Variants in RAD23A observed in about 807,000 individuals in gnomAD.
The protein encoded by RAD23A is lysine-specific demethylase RAD23A.
A neutral mutation model predicts 44.8 loss-of-function variants in RAD23A; 16 were observed. The observed-to-expected ratio is 0.36, with a 90% CI of 0.24 to 0.54. The LOEUF (loss-of-function observed/expected upper bound fraction) is 0.54. RAD23A is among the 20% of genes least tolerant of loss of function. The probability of loss-of-function intolerance (pLI) is 0.89; values close to 1 mark genes in which losing one functional copy is unlikely to be tolerated. For synonymous variants in RAD23A, 217 were observed against 202.9 expected (o/e 1.07, Z -0.59); for missense variants, 380 against 483.3 (o/e 0.79, Z 2.00).
chr19:12,946,084 G>GGGGGGGGGGGGGGGGGGGGGGGGGGGC, intron 1 of RAD23A, 64 bp downstream of exon 1: 1 of 512,146 alleles, frequency 2.0e-6, no homozygotes, highest in Non-Finnish European at 3.7e-6. Flanking sequence ...TGGGGGCGGG[G>GGGGGGGGGGGGGGGGGGGGGGGGGGGC]AGGCTAGAAT....
chr19:12,946,084 G>T, intron 1 of RAD23A, 64 bp downstream of exon 1: 1 of 512,146 alleles, frequency 2.0e-6, no homozygotes, highest in Non-Finnish European at 3.7e-6. Context: ...TGGGGGCGGG[G>T]AGGCTAGAAT....
chr19:12,949,985 C>G (rs1018135103), intron 7 of RAD23A, among the ~76,000 whole-genome samples: 1 of 152,080 alleles, frequency 6.6e-6, no homozygotes, highest in African/African-American at 2.4e-5. Flanking sequence ...ACTTCTCAGT[C>G]CCTTGCCAGC....
chr19:12,952,896 CCTA>C (rs765890812), intron 8 of RAD23A, 37 bp from the exon 9 acceptor site: 1 of 1,610,172 alleles, frequency 6.2e-7, no homozygotes, highest in Non-Finnish European at 8.5e-7. Context: ...GGGCAGGACC[CCTA>C]CCCTCTCCTG....
Position 12,949,140 on chromosome 19 carries a change from G to C in RAD23A, c.660G>C (p.Glu220Asp). 6.2e-7 allele frequency: 1 copy of C among 1,614,000 alleles called. No homozygotes were observed. Among genetic ancestry groups the C allele is most frequent in the Non-Finnish European group, 8.5e-7 (1 of 1,179,930 alleles). ...HGSVQESQVS[E>D]QPATEAAGEN... ...CTGTCCAGGAGAGCCAGGTATCGGA[G>C]CAGCCGGCCACGGAAGCAGGTGGGT... Residue 220 changes from glutamate (E) to aspartate (D), a missense_variant, in exon 6 of 9, where the codon GAG becomes GAC. Physicochemically the swap from Glu to Asp is conservative, Grantham distance 45 (BLOSUM62 2). Transcript: ENST00000586534.
chr19:12,953,121 T>C lies in RAD23A; in HGVS notation c.*72T>C, dbSNP rs986031893. The C allele has an allele frequency of 6.5e-5, 64 of 983,676 alleles. No individual in the cohort carries two copies. Among genetic ancestry groups the C allele is most frequent in the Admixed American group, 4.9e-4 (18 of 36,818 alleles). The allele number at this position is 983,676 out of a possible 1,614,324, so 60.9% of individuals were successfully genotyped here. On this transcript the variant is annotated 3_prime_UTR_variant, in exon 9 of 9. Coordinates refer to ENST00000586534, the MANE Select transcript of RAD23A (RefSeq NM_005053.4). ...TGAAAGTTTTATAAAAGAAAAAATA[T>C]ATATATATTCATGTTTATTTAAGAA...
intron 7 of RAD23A, among the ~76,000 whole-genome samples, chr19:12,952,197 A>T (rs1971831617): frequency 6.6e-6 from 1 of 151,588 alleles, no homozygotes; most frequent in Admixed American, 6.6e-5. Flanking sequence ...GAACCACTGC[A>T]GCCAGCCTAT....
At position 12,948,303 on chromosome 19, in the gene RAD23A, G is replaced by T; in HGVS notation, c.361G>T (p.Asp121Tyr). The change falls in exon 3 of 9, where the codon GAC becomes TAC. Residue 121 changes from aspartate (D) to tyrosine (Y), a missense_variant. Physicochemically the swap from Asp to Tyr is radical, Grantham distance 160. This residue lies in a region of RAD23A where 279 missense variants were observed against 313.7 expected (regional missense o/e 0.89). Coordinates refer to ENST00000586534, the MANE Select transcript of RAD23A (RefSeq NM_005053.4). The surrounding 1 kb of genome is among the most constrained non-coding windows in gnomAD (Gnocchi z 5.5). The part of the protein sequence containing the change: ...MSHPPPAARE[D>Y]KSPSEESAPT... ...CCATCCCCCACCTGCCGCCAGAGAG[G>T]ACAAGAGCCCATCAGAGGAATCCGC... The T allele has an allele frequency of 1.2e-6, 2 of 1,612,632 alleles. No homozygotes were observed. Among genetic ancestry groups the T allele is most frequent in the Non-Finnish European group, 1.7e-6 (2 of 1,179,328 alleles).
rs533495852 is a variant in RAD23A at position 12,947,380 on chromosome 19, C to T, written c.73-468C>T. Among the ~76,000 whole-genome samples the T allele has an allele frequency of 2.0e-5, 3 of 152,328 alleles. No homozygotes were observed. The East Asian group carries it at 5.8e-4, about 29-fold the overall frequency. ...GTTTGAGGCTGCAGTCAGCGATGAT[C>T]GTGCCACATCAATCCAGCATGGGCG... On this transcript the variant is annotated intron_variant, in intron 1 of 8. Transcript: ENST00000586534.
At chr19:12,946,351 C>A (rs926625754) in intron 1 of RAD23A, among the ~76,000 whole-genome samples, 2 of 152,254 alleles carry the variant, frequency 1.3e-5, no homozygotes, top group African/African-American at 4.8e-5. Context: ...CTGGGCTCCA[C>A]GTTCCCAGCT....
Position 12,953,050 on chromosome 19 carries a change from T to TG in RAD23A, c.*2dup, listed in dbSNP as rs1317098537. 9 of 1,613,576 alleles carry TG rather than the reference T, an allele frequency of 5.6e-6. No individual in the cohort carries two copies. The highest frequency in any genetic ancestry group is 1.7e-4 in the Middle Eastern group (1 of 6,060). ...GAGTCAGAACTTTGATGACGAGTGA[T>TG]GCCAGGAAGCCAGGCCACCGAAGCC... On this transcript the variant is annotated 3_prime_UTR_variant, in exon 9 of 9. Coordinates refer to ENST00000586534, the MANE Select transcript of RAD23A (RefSeq NM_005053.4).
chr19:12,948,456 G>T lies in RAD23A; in HGVS notation c.417-41G>T, dbSNP rs376624002. Reference sequence around the variant, plus strand: ...CACACACCTGGAGGGAGGGCAAGCCGCCAGAAGCCAGGGTCCGATTTCTCT... The same window carrying T: ...CACACACCTGGAGGGAGGGCAAGCCTCCAGAAGCCAGGGTCCGATTTCTCT... On this transcript the variant is annotated intron_variant, in intron 3 of 8. Transcript: ENST00000586534. The surrounding 1 kb of genome is among the most constrained non-coding windows in gnomAD (Gnocchi z 5.5). 59 of 1,552,462 alleles carry T rather than the reference G, an allele frequency of 3.8e-5. No homozygotes were observed. Among genetic ancestry groups the T allele is most frequent in the Non-Finnish European group, 5.0e-5 (57 of 1,149,674 alleles).
Position 12,949,135 on chromosome 19 carries a change from T to TA in RAD23A, c.655_656insA (p.Ser219TyrfsTer127), listed in dbSNP as rs1834645499. The TA allele has an allele frequency of 6.2e-7, 1 of 1,613,916 alleles. No homozygotes were observed. The highest frequency in any genetic ancestry group is 1.3e-5 in the African/African-American group (1 of 75,024). On this transcript the variant is annotated frameshift_variant, in exon 6 of 9. Transcript: ENST00000586534. LOFTEE classifies it high-confidence loss of function. ...CGGTTCTGTCCAGGAGAGCCAGGTATCGGAGCAGCCGGCCACGGAAGCAGG... is the reference window on the plus strand; with the variant it reads ...CGGTTCTGTCCAGGAGAGCCAGGTATACGGAGCAGCCGGCCACGGAAGCAGG...
At position 12,953,117 on chromosome 19, in the gene RAD23A, A is replaced by AATAT; in HGVS notation, c.*77_*80dup. The AATAT allele has an allele frequency of 9.9e-7, 1 of 1,014,198 alleles. No homozygotes were observed. The highest frequency in any genetic ancestry group is 1.5e-6 in the Non-Finnish European group (1 of 686,048). 62.8% of individuals were successfully genotyped at this position (1,014,198 alleles called of 1,614,324 possible). A position where few individuals can be genotyped will look rare whatever the true frequency, so the allele number is the denominator to read the frequency against. The stretch of plus-strand genomic sequence containing the variant: ...TCCATGAAAGTTTTATAAAAGAAAA[A>AATAT]ATATATATATATTCATGTTTATTTA... On this transcript the variant is annotated 3_prime_UTR_variant, in exon 9 of 9. Transcript: ENST00000586534.
intron 7 of RAD23A, among the ~76,000 whole-genome samples, chr19:12,950,393 T>C (rs1043367026): frequency 6.6e-6 from 1 of 151,930 alleles, no homozygotes; most frequent in African/African-American, 2.4e-5. Flanking sequence ...GGCAGATGAC[T>C]AAAAAGCACT....
Position 12,948,378 on chromosome 19 carries a change from C to T in RAD23A, c.416+20C>T. 7 of 1,561,756 alleles carry T rather than the reference C, an allele frequency of 4.5e-6. No individual in the cohort carries two copies. The highest frequency in any genetic ancestry group is 6.1e-6 in the Non-Finnish European group (7 of 1,152,112). On this transcript the variant is annotated intron_variant, in intron 3 of 8. Transcript: ENST00000586534. The surrounding 1 kb of genome is among the most constrained non-coding windows in gnomAD (Gnocchi z 5.5). ...GTCAGGGTAAGGCGGGGGCAGCAGT[C>T]CCAGCTTGGGCCCTGTCCTCCTAGC...
rs1375329065 is a variant in RAD23A at position 12,948,393 on chromosome 19, GTCC to G, written c.416+40_416+42del. 5 of 1,555,030 alleles carry G rather than the reference GTCC, an allele frequency of 3.2e-6. No individual in the cohort carries two copies. The highest frequency in any genetic ancestry group is 2.7e-5 in the African/African-American group (2 of 73,262). On this transcript the variant is annotated intron_variant, in intron 3 of 8. Transcript: ENST00000586534. This position sits in a 1 kb window ranked among gnomAD's most constrained non-coding sequence, Gnocchi z 5.5. ...GGGCAGCAGTCCCAGCTTGGGCCCTGTCCTCCTAGCACATTCCAGCGTCCACAT... is the reference window on the plus strand; with the variant it reads ...GGGCAGCAGTCCCAGCTTGGGCCCTGTCCTAGCACATTCCAGCGTCCACAT...
intron 1 of RAD23A, 63 bp from the exon 2 acceptor site, chr19:12,947,785 C>T (rs561185424): frequency 1.9e-6 from 3 of 1,566,888 alleles, no homozygotes; most frequent in Admixed American, 1.7e-5. Context: ...TTTCTCTGTC[C>T]TAAACTAGAA....
At chr19:12,952,524 G>C in intron 7 of RAD23A, 165 bp from the exon 8 acceptor site, 1 of 776,204 alleles carries the variant, frequency 1.3e-6, no homozygotes, top group Non-Finnish European at 2.0e-6. Flanking sequence ...CACATCATCA[G>C]CTCTTCCAGG....
intron 7 of RAD23A, among the ~76,000 whole-genome samples, chr19:12,950,826 G>A (rs545551283): frequency 6.6e-6 from 1 of 152,330 alleles, no homozygotes; most frequent in Non-Finnish European, 1.5e-5. Flanking sequence ...AGCACTTTGG[G>A]AGGCTAAGGC....
Sources: allele counts gnomAD v4.1 joint callset (sites outside exome capture counted in the v4.1 genomes callset), GRCh38; gene constraint gnomAD v4.1.1; regional missense constraint gnomAD v4.1.1; non-coding constraint Gnocchi (gnomAD v3.1); transcripts MANE v1.5; gene names NCBI Gene and HGNC (gene_info 2026-07-23, HGNC 2026-07-21).